SYNJ2: variants seen among roughly 807,000 people sequenced by gnomAD.
The protein encoded by SYNJ2 is polyphosphatidylinositol phosphatase SYNJ2.
Under a neutral mutation model 141.3 loss-of-function variants are expected in SYNJ2, and 116 were observed. The observed-to-expected ratio is 0.82, with a 90% CI of 0.71 to 0.96. The LOEUF is 0.96. Ranked by LOEUF, SYNJ2 falls within the 40% of genes least tolerant of loss-of-function variation. The pLI is 0.00. For synonymous variants in SYNJ2, 745 were observed against 777.7 expected (o/e 0.96, Z 0.70); for missense variants, 1,873 against 1,934.8 (o/e 0.97, Z 0.60).
rs60234675 is a variant in SYNJ2, at chr6:158,081,605, CTTTTTTTTTTTT to C, written c.2865+114_2865+125del. ...TTCCTCCTCTTGCCCTGACCTGTGCCTTTTTTTTTTTTTTTTTTTTTTTTTTTTTTCTCTGAG... is the reference window on the plus strand; with the variant it reads ...TTCCTCCTCTTGCCCTGACCTGTGCCTTTTTTTTTTTTTTTTTTCTCTGAG... On this transcript the variant is annotated intron_variant, in intron 20 of 26. Transcript: ENST00000355585. 13 of 213,262 alleles carry C rather than the reference CTTTTTTTTTTTT, an allele frequency of 6.1e-5. No homozygotes were observed. The East Asian group carries it at 6.4e-4, about 11-fold the overall frequency. 13.2% of individuals were successfully genotyped at this position (213,262 alleles called of 1,614,324 possible). A position where few individuals can be genotyped will look rare whatever the true frequency, so the allele number is the denominator to read the frequency against.
chr6:158,044,856 C>G (rs972911768), intron 5 of SYNJ2, among the ~76,000 whole-genome samples: 3 of 152,006 alleles, frequency 2.0e-5, no homozygotes, highest in Non-Finnish European at 4.4e-5. Flanking sequence ...TTTTTGAAAC[C>G]TGATTTTCTT....
rs757762676 is a variant in SYNJ2 at position 158,081,344 on chromosome 6, C to A, written c.2786+17C>A. ...TCTTGTCAGGTAACTGCTCCCCTGGCTGATGTGGGTTCCAGGGGATGTCGA... is the reference window on the plus strand; with the variant it reads ...TCTTGTCAGGTAACTGCTCCCCTGGATGATGTGGGTTCCAGGGGATGTCGA... On this transcript the variant is annotated intron_variant, in intron 19 of 26. Transcript: ENST00000355585. 1 of 1,613,228 alleles carries A rather than the reference C, an allele frequency of 6.2e-7. No individual in the cohort carries two copies. Among genetic ancestry groups the A allele is most frequent in the Non-Finnish European group, 8.5e-7 (1 of 1,179,176 alleles).
At chr6:158,058,904 G>A (rs1024699298) in intron 6 of SYNJ2, among the ~76,000 whole-genome samples, 2 of 152,240 alleles carry the variant, frequency 1.3e-5, no homozygotes, top group African/African-American at 2.4e-5. Flanking sequence ...CTGCACTCTA[G>A]CCTGGACAAC....
intron 25 of SYNJ2, among the ~76,000 whole-genome samples, chr6:158,092,215 T>C (rs1046290663): frequency 3.3e-5 from 5 of 152,150 alleles, no homozygotes; most frequent in African/African-American, 1.2e-4. Context: ...GAGATTTTGA[T>C]GTCTTTGGAT....
intron 9 of SYNJ2, 42 bp from the exon 10 acceptor site, chr6:158,064,559 T>C (rs1315093096): frequency 6.2e-7 from 1 of 1,606,776 alleles, no homozygotes; most frequent in African/African-American, 1.3e-5. Flanking sequence ...GCAGGGCCTC[T>C]GTGGGAGAAG....
At chr6:158,044,658 C>T (rs553894280) in intron 5 of SYNJ2, among the ~76,000 whole-genome samples, 4 of 152,328 alleles carry the variant, frequency 2.6e-5, no homozygotes, top group East Asian at 1.9e-4. Flanking sequence ...CAACTTGGTG[C>T]TTTTACTGCA....
rs1269038699 is a variant in SYNJ2, at chr6:158,040,686, C to T, written c.712-2630C>T. On this transcript the variant is annotated intron_variant, in intron 4 of 26. Transcript: ENST00000355585. The surrounding 1 kb of genome is among the most constrained non-coding windows in gnomAD (Gnocchi z 4.2). ...ACTGTATCTGGAAGCAGAAGGTCAG[C>T]AGAAAGCCTTTCAGATAGAAGGTAT... 6.6e-6 allele frequency among the ~76,000 whole-genome samples: 1 copy of T among 152,196 alleles called. No homozygotes were observed. Among genetic ancestry groups the T allele is most frequent in the Non-Finnish European group, 1.5e-5 (1 of 68,028 alleles).
intron 4 of SYNJ2, among the ~76,000 whole-genome samples, chr6:158,034,477 A>G (rs2128339295): frequency 6.6e-6 from 1 of 152,316 alleles, no homozygotes. Flanking sequence ...GACTTTGGCC[A>G]CTTTAATCCA....
At chr6:158,063,516 G>A (rs191499281) in intron 8 of SYNJ2, among the ~76,000 whole-genome samples, 11 of 152,014 alleles carry the variant, frequency 7.2e-5, no homozygotes, top group East Asian at 1.9e-4. Context: ...AAAATTAGCC[G>A]GGTGTGATGG....
At chr6:158,017,930 G>T (rs1159730928) in intron 2 of SYNJ2, 1 of 385,866 alleles carries the variant, frequency 2.6e-6, no homozygotes, top group Admixed American at 3.2e-5. Context: ...TCTGGTCTGG[G>T]GCTTCTGCCC....
chr6:157,982,687 C>A lies in SYNJ2; in HGVS notation c.127+599C>A, dbSNP rs1453712034. ...GCCAGCGAATTTCACCTATGGACTT[C>A]AGAAGCCTTGAAACTGGCATTGTGC... On this transcript the variant is annotated intron_variant, in intron 1 of 26. Transcript: ENST00000355585. This position sits in a 1 kb window ranked among gnomAD's most constrained non-coding sequence, Gnocchi z 4.0. Among the ~76,000 whole-genome samples, 2 of 152,230 alleles carry A rather than the reference C, an allele frequency of 1.3e-5. No individual in the cohort carries two copies. The highest frequency in any genetic ancestry group is 1.9e-4 in the East Asian group (1 of 5,202).
At chr6:157,991,288 G>C (rs1183361193) in intron 1 of SYNJ2, among the ~76,000 whole-genome samples, 1 of 152,158 alleles carries the variant, frequency 6.6e-6, no homozygotes, top group African/African-American at 2.4e-5. Flanking sequence ...AACAAACCCG[G>C]GACAGCAGTG....
At position 158,074,615 on chromosome 6, in the gene SYNJ2, G is replaced by A. The variant is rs1262134908; in HGVS notation, c.2169G>A (p.Trp723Ter). 3 of 1,613,714 alleles carry A rather than the reference G, an allele frequency of 1.9e-6. No individual in the cohort carries two copies. The highest frequency in any genetic ancestry group is 1.1e-5 in the South Asian group (1 of 90,866). Residue 723 changes from tryptophan to a stop codon, truncating the protein, a stop_gained, in exon 16 of 27, where the codon TGG (tryptophan) becomes TGA (stop). Transcript: ENST00000355585. LOFTEE classifies it high-confidence loss of function. ...TTTTTTCTCATGATTATGTATTTTG[G>A]TGTGGCGATTTCAACTACCGCATTG... is the stretch of plus-strand genomic sequence containing the variant. ...RNVFSHDYVF[W>*]CGDFNYRIDL...
intron 1 of SYNJ2, among the ~76,000 whole-genome samples, chr6:158,000,220 T>TA (rs1416205893): frequency 2.6e-5 from 4 of 151,952 alleles, no homozygotes; most frequent in Admixed American, 1.3e-4. Flanking sequence ...TGCCCTTTTG[T>TA]AAAAAATAGC....
intron 2 of SYNJ2, among the ~76,000 whole-genome samples, chr6:158,018,763 C>T (rs569745292): frequency 9.2e-5 from 14 of 152,340 alleles, no homozygotes; most frequent in African/African-American, 2.2e-4. Flanking sequence ...TTTACAGTAA[C>T]GGGAACAGGC....
intron 17 of SYNJ2, chr6:158,077,788 T>G (rs1316984278): frequency 6.4e-6 from 1 of 155,790 alleles, no homozygotes; most frequent in Non-Finnish European, 1.4e-5. Flanking sequence ...CCCAGCGCTC[T>G]GAGAGGTGGG....
chr6:158,047,798 A>C (rs1321420402), intron 5 of SYNJ2, among the ~76,000 whole-genome samples: 2 of 149,894 alleles, frequency 1.3e-5, no homozygotes, highest in Non-Finnish European at 3.0e-5. Flanking sequence ...AAAAAAAAAA[A>C]AAAAAAACAC....
At chr6:158,018,894 G>T (rs56159461) in intron 2 of SYNJ2, among the ~76,000 whole-genome samples, 6 of 152,224 alleles carry the variant, frequency 3.9e-5, no homozygotes, top group Non-Finnish European at 7.3e-5. Context: ...AGGACTTTCC[G>T]CTCTGCAGCG....
chr6:158,026,108 C>T (rs952461267), intron 2 of SYNJ2, among the ~76,000 whole-genome samples: 8 of 152,224 alleles, frequency 5.3e-5, no homozygotes, highest in African/African-American at 1.7e-4. Context: ...TTGGCTCCAA[C>T]ACAGACTAGC....
Sources: gnomAD v4.1 joint callset for allele counts (sites outside exome capture counted in the v4.1 genomes callset) on GRCh38, gnomAD v4.1.1 for gene constraint, Gnocchi (gnomAD v3.1) non-coding constraint, MANE v1.5 for transcripts, NCBI Gene and HGNC (gene_info 2026-07-23, HGNC 2026-07-21) for gene names.